DLGAP1: variants seen among roughly 807,000 people sequenced by gnomAD.
DLGAP1 encodes DLG associated protein 1.
Under a neutral mutation model 90.8 loss-of-function variants are expected in DLGAP1, and 11 were observed. The observed-to-expected ratio is 0.12, with a 90% CI of 0.08 to 0.20. The LOEUF is 0.20. Among genes scored for constraint, DLGAP1 ranks in the 10% least tolerant of loss-of-function variants. DLGAP1 has a pLI of 1.00. For synonymous variants in DLGAP1, 558 were observed against 540.7 expected, an observed-to-expected ratio of 1.03 and a Z score of -0.44; for missense variants, 1,050 against 1,333.8, an observed-to-expected ratio of 0.79 and a Z score of 3.31.
intron 5 of DLGAP1, among the ~76,000 whole-genome samples, chr18:3,787,845 T>C (rs1598747451): frequency 1.3e-5 from 2 of 152,150 alleles, no homozygotes; most frequent in African/African-American, 4.8e-5. Flanking sequence ...CCTCTGTCTC[T>C]TGCAAAACAC....
intron 2 of DLGAP1, among the ~76,000 whole-genome samples, chr18:4,032,571 A>G (rs1430344736): frequency 1.3e-5 from 2 of 152,226 alleles, no homozygotes; most frequent in Non-Finnish European, 2.9e-5. Flanking sequence ...ACCTCTCTCC[A>G]AAGACAGAAA....
intron 5 of DLGAP1, among the ~76,000 whole-genome samples, chr18:3,771,878 A>G (rs1440926619): frequency 6.6e-6 from 1 of 150,736 alleles, no homozygotes; most frequent in African/African-American, 2.4e-5. Context: ...GCCAGCTTCT[A>G]TTTACAAGAT....
At chr18:3,504,961 C>T (rs2050137250) in intron 11 of DLGAP1, among the ~76,000 whole-genome samples, 1 of 152,066 alleles carries the variant, frequency 6.6e-6, no homozygotes, top group Non-Finnish European at 1.5e-5. Context: ...GGTTTAGTTA[C>T]GTTGGAAGAG....
At chr18:3,585,261 A>G (rs776566942) in intron 7 of DLGAP1, among the ~76,000 whole-genome samples, 4 of 152,202 alleles carry the variant, frequency 2.6e-5, no homozygotes, top group Non-Finnish European at 5.9e-5. Flanking sequence ...TACATTGTAA[A>G]TATCTTGCCT....
At chr18:3,868,074 G>A (rs1212219125) in intron 4 of DLGAP1, among the ~76,000 whole-genome samples, 3 of 152,154 alleles carry the variant, frequency 2.0e-5, no homozygotes, top group African/African-American at 7.2e-5. Context: ...GCCTTAGAGA[G>A]AAGGCAGTAA....
chr18:3,793,112 G>A (rs1270282963), intron 5 of DLGAP1, among the ~76,000 whole-genome samples: 3 of 152,202 alleles, frequency 2.0e-5, no homozygotes, highest in African/African-American at 7.2e-5. Flanking sequence ...GAGACCAGGA[G>A]GAATTAGCAG....
chr18:4,297,493 C>T (rs896033370), intron 1 of DLGAP1, among the ~76,000 whole-genome samples: 2 of 152,186 alleles, frequency 1.3e-5, no homozygotes, highest in Non-Finnish European at 2.9e-5. Flanking sequence ...AACATATCCT[C>T]TATACTTATT....
At position 3,720,888 on chromosome 18, in the gene DLGAP1, C is replaced by CCAA. The variant is rs1441095000; in HGVS notation, c.1591+8246_1591+8247insTTG. Among the ~76,000 whole-genome samples, 15 of 50,308 alleles carry CCAA rather than the reference C, an allele frequency of 3.0e-4. 1 individual carries two copies. Among genetic ancestry groups the CCAA allele is most frequent in the African/African-American group, 1.0e-3 (13 of 12,488 alleles). 33.0% of individuals were successfully genotyped at this position (50,308 alleles called of 152,430 possible). Reference sequence around the variant, plus strand: ...GCAACATACTAAGACCTTGTCTCTACAAAAAAAAAAAAAAAAAAAAATTAG... The same window carrying CCAA: ...GCAACATACTAAGACCTTGTCTCTACCAAAAAAAAAAAAAAAAAAAAAAATTAG... On this transcript the variant is annotated intron_variant, in intron 7 of 12. Transcript: ENST00000315677.
At chr18:4,311,203 G>T (rs2080389530) in intron 1 of DLGAP1, among the ~76,000 whole-genome samples, 1 of 152,170 alleles carries the variant, frequency 6.6e-6, no homozygotes, top group African/African-American at 2.4e-5. Flanking sequence ...TGTAATCACT[G>T]CTACTGGATA....
At chr18:4,192,269 C>T (rs1244686128) in intron 1 of DLGAP1, among the ~76,000 whole-genome samples, 1 of 152,022 alleles carries the variant, frequency 6.6e-6, no homozygotes, top group East Asian at 1.9e-4. Flanking sequence ...CTTTAAAGTG[C>T]CTGATGAGCC....
chr18:3,943,790 G>A (rs28468980), intron 3 of DLGAP1, among the ~76,000 whole-genome samples: 27,494 of 152,080 alleles, frequency 0.18, 2,632 homozygotes, highest in African/African-American at 0.21. Flanking sequence ...CATTTAAAGA[G>A]GCAATTAGGT....
At chr18:4,430,034 G>A (rs912276444) in intron 1 of DLGAP1, among the ~76,000 whole-genome samples, 1 of 152,186 alleles carries the variant, frequency 6.6e-6, no homozygotes, top group Non-Finnish European at 1.5e-5. Flanking sequence ...AATAATGCAT[G>A]TAATGGTAAA....
chr18:3,819,094 G>C (rs1331624862), intron 4 of DLGAP1, among the ~76,000 whole-genome samples: 2 of 151,666 alleles, frequency 1.3e-5, no homozygotes, highest in South Asian at 2.1e-4. Flanking sequence ...GGCAGATCAT[G>C]AGGCAAGGAG....
chr18:4,055,501 A>G (rs1294172186), intron 2 of DLGAP1, among the ~76,000 whole-genome samples: 1 of 151,930 alleles, frequency 6.6e-6, no homozygotes, highest in Non-Finnish European at 1.5e-5. Context: ...TGTGTACTCA[A>G]TGTTTTAGCT....
rs150576017 is a variant in DLGAP1, at chr18:4,215,908, G to A, written c.-266-64621C>T. 1.7e-3 allele frequency among the ~76,000 whole-genome samples: 266 copies of A among 152,152 alleles called. 1 individual carries two copies. Among genetic ancestry groups the A allele is most frequent in the African/African-American group, 6.1e-3 (252 of 41,520 alleles). ...GCAGACTGAAAATTCACTGAAAGAA[G>A]GTTAAGGATTATACTAGGGACATAG... On this transcript the variant is annotated intron_variant, in intron 1 of 12. Transcript: ENST00000315677.
intron 1 of DLGAP1, among the ~76,000 whole-genome samples, chr18:4,199,423 T>C (rs766250355): frequency 1.3e-5 from 2 of 152,216 alleles, no homozygotes; most frequent in Non-Finnish European, 2.9e-5. Flanking sequence ...ATTGGAAACA[T>C]TTTTGTATTC....
In DLGAP1 at chr18:3,713,986, C is replaced by T. The variant is rs1025278459; in HGVS notation, c.1591+15149G>A. On this transcript the variant is annotated intron_variant, in intron 7 of 12. Transcript: ENST00000315677. ...ACCCACATATCCTCACAGCATCGTC[C>T]GAGGATGTGCCCTGGGAAGCCGACT... Among the ~76,000 whole-genome samples, 4 of 152,130 alleles carry T rather than the reference C, an allele frequency of 2.6e-5. No individual in the cohort carries two copies. In the East Asian group the frequency reaches 5.8e-4, roughly 22 times the overall value.
intron 5 of DLGAP1, among the ~76,000 whole-genome samples, chr18:3,772,076 A>T (rs2064582751): frequency 6.6e-6 from 1 of 152,162 alleles, no homozygotes; most frequent in African/African-American, 2.4e-5. Flanking sequence ...GATGGTAAAA[A>T]CAGTTAAAAC....
intron 7 of DLGAP1, among the ~76,000 whole-genome samples, chr18:3,610,827 ACT>A (rs373032180): frequency 7.2e-5 from 11 of 151,726 alleles, no homozygotes; most frequent in South Asian, 6.2e-4. Flanking sequence ...TGACAGTGAG[ACT>A]CTGTCCCTCA....
Sources: allele counts gnomAD v4.1 joint callset (sites outside exome capture counted in the v4.1 genomes callset), GRCh38; gene constraint gnomAD v4.1.1; transcripts MANE v1.5; gene names NCBI Gene and HGNC (gene_info 2026-07-23, HGNC 2026-07-21).